The following USP49 variants were observed in gnomAD, a reference collection of about 807,000 sequenced individuals.
USP49 encodes the protein ubiquitin carboxyl-terminal hydrolase 49.
Under a neutral mutation model 58.6 loss-of-function variants are expected in USP49, and 24 were observed. The observed-to-expected ratio is 0.41, with a 90% confidence interval of 0.30 to 0.58. The LOEUF (loss-of-function observed/expected upper bound fraction) is 0.58, where lower values mean the gene tolerates loss of function less well. Ranked by LOEUF, USP49 falls within the 20% of genes least tolerant of loss-of-function variation. USP49 has a pLI of 0.30. For synonymous variants in USP49, 408 were observed against 365.1 expected (o/e 1.12, Z -1.34); for missense variants, 703 against 866.1 (o/e 0.81, Z 2.36).
At position 41,790,183 on chromosome 6, in the gene USP49, G is replaced by GCAC. The variant is rs906984546; in HGVS notation, c.*6347_*6349dup. ...ATTTGGTGTTGCATAGCATTTTAGT[G>GCAC]CACCAGATGGGTTTTCCAGACACCA... On this transcript the variant is annotated 3_prime_UTR_variant, in exon 8 of 8. Coordinates refer to ENST00000682992, the MANE Select transcript of USP49 (RefSeq NM_001286554.2). 1 of 152,176 alleles carries GCAC rather than the reference G, an allele frequency of 6.6e-6. No homozygotes were observed. Among genetic ancestry groups the GCAC allele is most frequent in the African/African-American group, 2.4e-5 (1 of 41,430 alleles). 9.4% of individuals were successfully genotyped at this position (152,176 alleles called of 1,614,324 possible). A position where few individuals can be genotyped will look rare whatever the true frequency, so the allele number is the denominator to read the frequency against.
At chr6:41,883,723 C>A (rs903106769) in intron 2 of USP49, among the ~76,000 whole-genome samples, 1 of 152,004 alleles carries the variant, frequency 6.6e-6, no homozygotes, top group Non-Finnish European at 1.5e-5. Context: ...TTGGGAGGGG[C>A]GGTTATAGGA....
intron 2 of USP49, among the ~76,000 whole-genome samples, chr6:41,880,479 G>C (rs1774584604): frequency 6.6e-6 from 1 of 152,138 alleles, no homozygotes. Context: ...GGCCTAGAAT[G>C]AGGCTAATTA....
In USP49 at chr6:41,790,713, T is replaced by G. The variant is rs1772782853; in HGVS notation, c.*5820A>C. 6.6e-6 allele frequency: 1 copy of G among 152,182 alleles called. No individual in the cohort carries two copies. Among genetic ancestry groups the G allele is most frequent in the East Asian group, 1.9e-4 (1 of 5,196 alleles). The allele number at this position is 152,182 out of a possible 1,614,324, so 9.4% of individuals were successfully genotyped here. A position where few individuals can be genotyped will look rare whatever the true frequency, so the allele number is the denominator to read the frequency against. ...TTCCTGACCTTGCTGGCATAAATAT[T>G]AAGAAAATTGTTTGAGAATTAGATT... On this transcript the variant is annotated 3_prime_UTR_variant, in exon 8 of 8. Transcript: ENST00000682992.
chr6:41,849,611 C>CT (rs1286120146), intron 3 of USP49, among the ~76,000 whole-genome samples: 3,350 of 143,002 alleles, frequency 0.023, 116 homozygotes, highest in African/African-American at 0.076. Context: ...TCTTTTCTTT[C>CT]TTTTTTTTTT....
intron 3 of USP49, among the ~76,000 whole-genome samples, chr6:41,815,568 C>T (rs1773335218): frequency 6.6e-6 from 1 of 152,136 alleles, no homozygotes; most frequent in Non-Finnish European, 1.5e-5. Flanking sequence ...CCCATTTTCC[C>T]TATCAGTGCC....
rs1032604345 is a variant in USP49 at position 41,794,642 on chromosome 6, G to C, written c.*1891C>G. 1 of 152,136 alleles carries C rather than the reference G, an allele frequency of 6.6e-6. No individual in the cohort carries two copies. The highest frequency in any genetic ancestry group is 2.4e-5 in the African/African-American group (1 of 41,438). The allele number at this position is 152,136 out of a possible 1,614,324, so 9.4% of individuals were successfully genotyped here. ...CTTGAGAGTACAGCTTCACATCAGAGCCTCTGGCAGCATGGACAGCGGTGA... is the reference window on the plus strand; with the variant it reads ...CTTGAGAGTACAGCTTCACATCAGACCCTCTGGCAGCATGGACAGCGGTGA... On this transcript the variant is annotated 3_prime_UTR_variant, in exon 8 of 8. Transcript: ENST00000682992.
At chr6:41,828,279 C>T (rs567987389) in intron 3 of USP49, among the ~76,000 whole-genome samples, 38 of 151,972 alleles carry the variant, frequency 2.5e-4, no homozygotes, top group African/African-American at 9.2e-4. Flanking sequence ...CCCATCTCTA[C>T]TAAAAATACA....
Position 41,799,863 on chromosome 6 carries a change from G to A in USP49, c.1637C>T (p.Pro546Leu). 6.2e-7 allele frequency: 1 copy of A among 1,614,128 alleles called. No individual in the cohort carries two copies. ...TTTAAGGTGCAGCCGGAGAACCTGA[G>A]GTAGTCTGTAGATCATTAACTGCTT... ...ARKQLMIYRL[P>L]QVLRLHLKRF... The change falls in exon 6 of 8, where the codon CCT becomes CTT. Residue 546 changes from proline (P) to leucine (L), a missense_variant. Around this residue, in one of 6 missense-constraint regions of USP49, gnomAD observed 158 missense variants for 241.2 expected, o/e 0.66. Transcript: ENST00000682992.
chr6:41,869,703 A>G (rs919628100), intron 3 of USP49: 4 of 151,134 alleles, frequency 2.6e-5, no homozygotes, highest in Non-Finnish European at 5.9e-5. Flanking sequence ...GAGGAAGATT[A>G]TCTCAAAAAA....
chr6:41,887,578 G>A (rs966650451), intron 2 of USP49, among the ~76,000 whole-genome samples: 3 of 152,292 alleles, frequency 2.0e-5, no homozygotes, highest in East Asian at 3.9e-4. Flanking sequence ...ATAATGGAGT[G>A]GGGCAAAGAC....
At chr6:41,831,473 G>A (rs1262490941) in intron 3 of USP49, among the ~76,000 whole-genome samples, 3 of 150,592 alleles carry the variant, frequency 2.0e-5, no homozygotes, top group Admixed American at 6.6e-5. Context: ...CCAGCTACTC[G>A]GGAGTCTGAA....
chr6:41,831,316 G>T (rs1339559747), intron 3 of USP49, among the ~76,000 whole-genome samples: 1 of 152,138 alleles, frequency 6.6e-6, no homozygotes, highest in East Asian at 1.9e-4. Flanking sequence ...CTTGAACCCA[G>T]GGGGTGGAGG....
At chr6:41,809,568 T>C (rs931709053) in intron 3 of USP49, among the ~76,000 whole-genome samples, 3 of 151,524 alleles carry the variant, frequency 2.0e-5, no homozygotes, top group Non-Finnish European at 4.4e-5. Context: ...GGCTCACACC[T>C]GTAATCCTAG....
chr6:41,891,550 T>C (rs559621125), intron 2 of USP49, among the ~76,000 whole-genome samples: 1 of 152,332 alleles, frequency 6.6e-6, no homozygotes, highest in East Asian at 1.9e-4. Context: ...TGTTGGCTAC[T>C]ATTATTAAGT....
chr6:41,868,087 CT>C (rs769915242), intron 3 of USP49, among the ~76,000 whole-genome samples: 1 of 152,180 alleles, frequency 6.6e-6, no homozygotes, highest in Non-Finnish European at 1.5e-5. Context: ...CAGCACTCCC[CT>C]GGTCAATAGC....
Position 41,803,932 on chromosome 6 carries a change from A to G in USP49, c.1435T>C (p.Tyr479His). ...ACAAACCCCTTTTCTATGCAGTGAT[A>G]GCGTTCAGGGAATTCCAGGGATAGG... Reference protein sequence around the residue: ...WDLSLEFPERYHCIEKGFVPL... With the variant: ...WDLSLEFPERHHCIEKGFVPL... Residue 479 changes from tyrosine (Y) to histidine (H), a missense_variant, in exon 5 of 8, where the codon TAT becomes CAT. Around this residue, in one of 6 missense-constraint regions of USP49, gnomAD observed 158 missense variants for 241.2 expected, o/e 0.66. Transcript: ENST00000682992. The surrounding 1 kb of genome is among the most constrained non-coding windows in gnomAD (Gnocchi z 4.1). The G allele has an allele frequency of 6.2e-7, 1 of 1,614,202 alleles. No individual in the cohort carries two copies. The highest frequency in any genetic ancestry group is 8.5e-7 in the Non-Finnish European group (1 of 1,180,058).
At chr6:41,815,021 G>A (rs868008423) in intron 3 of USP49, among the ~76,000 whole-genome samples, 7 of 152,130 alleles carry the variant, frequency 4.6e-5, no homozygotes, top group African/African-American at 1.7e-4. Context: ...TGTTAAAAAT[G>A]AATTTCATTT....
At chr6:41,802,468 A>G (rs57994801) in intron 5 of USP49, among the ~76,000 whole-genome samples, 1 of 73,928 alleles carries the variant, frequency 1.4e-5, no homozygotes, top group Non-Finnish European at 2.6e-5. Flanking sequence ...TTATTTATTT[A>G]TTTTTTATTT....
At chr6:41,829,920 A>G (rs2127340770) in intron 3 of USP49, among the ~76,000 whole-genome samples, 1 of 152,362 alleles carries the variant, frequency 6.6e-6, no homozygotes, top group East Asian at 1.9e-4. Context: ...TTCTGAACCT[A>G]TTAAGAAAAT....
Sources: gnomAD v4.1 joint callset for allele counts (sites outside exome capture counted in the v4.1 genomes callset) on GRCh38, gnomAD v4.1.1 for gene constraint, gnomAD v4.1.1 regional missense constraint, Gnocchi (gnomAD v3.1) non-coding constraint, MANE v1.5 for transcripts, NCBI Gene and HGNC (gene_info 2026-07-23, HGNC 2026-07-21) for gene names.